Variants in TAS2R1 observed in about 807,000 individuals in gnomAD.
TAS2R1 encodes the protein taste receptor type 2 member 1.
For synonymous variants in TAS2R1, 141 were observed against 134.2 expected, an observed-to-expected ratio of 1.05 and a Z score of -0.35; for missense variants, 370 against 353.4, an observed-to-expected ratio of 1.05 and a Z score of -0.38.
intron 1 of TAS2R1, among the ~76,000 whole-genome samples, chr5:9,708,987 C>T (rs1358709376): frequency 6.6e-6 from 1 of 152,070 alleles, no homozygotes; most frequent in Non-Finnish European, 1.5e-5. Context: ...GCAAGAAACT[C>T]ACGAAGAAAC....
chr5:9,731,597 A>C, the TAS2R1 span, among the ~76,000 whole-genome samples: 1 of 152,172 alleles, frequency 6.6e-6, no homozygotes, highest in Non-Finnish European at 1.5e-5. Context: ...TCTTTCTGAA[A>C]TATTCCTTCA....
At chr5:9,816,699 T>C in the TAS2R1 span, among the ~76,000 whole-genome samples, 507 of 152,288 alleles carry the variant, frequency 3.3e-3, 2 homozygotes, top group African/African-American at 0.011. Context: ...TCTCTTAGCC[T>C]ATTTTGAAAG....
chr5:9,712,899 C>A (rs1734716516), upstream of TAS2R1, among the ~76,000 whole-genome samples: 1 of 151,356 alleles, frequency 6.6e-6, no homozygotes. Flanking sequence ...CTTTGGAGAA[C>A]CCTAACTAAT....
the TAS2R1 span, among the ~76,000 whole-genome samples, chr5:9,740,583 G>A: frequency 1.3e-5 from 2 of 152,200 alleles, 1 homozygote; most frequent in South Asian, 4.1e-4. Flanking sequence ...GCATTGTGAT[G>A]TCCATTAAAA....
the TAS2R1 span, among the ~76,000 whole-genome samples, chr5:9,780,374 C>T: frequency 6.6e-6 from 1 of 152,206 alleles, no homozygotes; most frequent in African/African-American, 2.4e-5. Flanking sequence ...CTTTGTGTCA[C>T]AAAATCCAGA....
At chr5:9,810,454 C>G in the TAS2R1 span, among the ~76,000 whole-genome samples, 1 of 152,092 alleles carries the variant, frequency 6.6e-6, no homozygotes, top group East Asian at 1.9e-4. Flanking sequence ...CTCCTCACTT[C>G]CGGGGGAGGT....
At chr5:9,749,916 C>T in the TAS2R1 span, among the ~76,000 whole-genome samples, 1 of 152,170 alleles carries the variant, frequency 6.6e-6, no homozygotes, top group African/African-American at 2.4e-5. Flanking sequence ...CATATGGCCA[C>T]TAAGGGGAAA....
the TAS2R1 span, among the ~76,000 whole-genome samples, chr5:9,872,211 T>C: frequency 5.3e-5 from 8 of 152,306 alleles, no homozygotes; most frequent in African/African-American, 1.9e-4. Flanking sequence ...TTCCGTGTGA[T>C]TCAGAGAGCT....
the TAS2R1 span, among the ~76,000 whole-genome samples, chr5:9,759,028 T>C: frequency 6.6e-6 from 1 of 152,224 alleles, no homozygotes; most frequent in African/African-American, 2.4e-5. Context: ...CCTTAAGTCA[T>C]AGCTATTGGA....
At chr5:9,715,220 A>G (rs938525683), upstream of TAS2R1, among the ~76,000 whole-genome samples, 3 of 152,226 alleles carry the variant, frequency 2.0e-5, no homozygotes, top group Admixed American at 6.5e-5. Context: ...TTTGGGGCAT[A>G]TGGAAGCAGA....
chr5:9,748,255 C>T, the TAS2R1 span, among the ~76,000 whole-genome samples: 15 of 152,054 alleles, frequency 9.9e-5, no homozygotes, highest in Non-Finnish European at 1.8e-4. Context: ...TTATTTGAGA[C>T]GGAGTCTTGC....
chr5:9,807,999 T>TA, the TAS2R1 span, among the ~76,000 whole-genome samples: 1 of 152,162 alleles, frequency 6.6e-6, no homozygotes, highest in Non-Finnish European at 1.5e-5. Flanking sequence ...GGTGTTGCTC[T>TA]AAAAATCTCC....
the TAS2R1 span, among the ~76,000 whole-genome samples, chr5:9,897,341 C>A: frequency 1.3e-5 from 2 of 152,044 alleles, no homozygotes; most frequent in Non-Finnish European, 2.9e-5. Context: ...CCCAGCTACT[C>A]GGGAGTCTGA....
the TAS2R1 span, among the ~76,000 whole-genome samples, chr5:9,886,567 C>T: frequency 3.3e-5 from 5 of 152,130 alleles, no homozygotes; most frequent in East Asian, 3.9e-4. Flanking sequence ...CTCCTGACCT[C>T]AGATGATCCG....
the TAS2R1 span, among the ~76,000 whole-genome samples, chr5:9,860,726 C>T: frequency 2.0e-5 from 3 of 152,186 alleles, no homozygotes; most frequent in South Asian, 6.2e-4. Flanking sequence ...TTGGCCAGAC[C>T]TATGGGCAGT....
chr5:9,848,419 G>A, the TAS2R1 span, among the ~76,000 whole-genome samples: 987 of 152,274 alleles, frequency 6.5e-3, 12 homozygotes, highest in African/African-American at 0.022. Context: ...GTCTCCTTAT[G>A]TCAAGTTTAA....
intron 2 of TAS2R1, among the ~76,000 whole-genome samples, chr5:9,644,259 T>A (rs1250217140): frequency 1.3e-5 from 2 of 152,110 alleles, no homozygotes; most frequent in Non-Finnish European, 2.9e-5. Flanking sequence ...AGAAGGCAAG[T>A]GTGGAAGTAG....
At chr5:9,657,870 T>G (rs1740445339) in intron 2 of TAS2R1, among the ~76,000 whole-genome samples, 1 of 152,236 alleles carries the variant, frequency 6.6e-6, no homozygotes, top group Admixed American at 6.5e-5. Flanking sequence ...GAAAAAAGAT[T>G]AAAATGGTAA....
At chr5:9,890,070 G>A in the TAS2R1 span, 1 of 152,150 alleles carries the variant, frequency 6.6e-6, no homozygotes, top group Admixed American at 6.5e-5. Flanking sequence ...GTGGGTGTGA[G>A]TGGGATCCCC....
Sources: gnomAD v4.1 joint callset for allele counts (sites outside exome capture counted in the v4.1 genomes callset) on GRCh38, gnomAD v4.1.1 for gene constraint, MANE v1.5 for transcripts, NCBI Gene and HGNC (gene_info 2026-07-23, HGNC 2026-07-21) for gene names.